Variants in DSG3 observed in about 807,000 individuals in gnomAD.
DSG3 encodes the protein desmoglein 3, also known as desmoglein-3.
DSG3 carries 63 observed loss-of-function variants against 85.9 expected under a neutral mutation model. That is an observed-to-expected ratio of 0.73 (90% CI 0.60 to 0.90). The LOEUF is 0.90. Among genes scored for constraint, DSG3 ranks in the 40% least tolerant of loss-of-function variants. The pLI is 0.00. For missense variants in DSG3, 1,220 were observed against 1,219.9 expected, an observed-to-expected ratio of 1.00 and a Z score of 0.00; for synonymous variants, 447 against 441.9, an observed-to-expected ratio of 1.01 and a Z score of -0.14.
At chr18:31,447,979 A>T (rs1483970448) in intron 1 of DSG3, 54 bp downstream of exon 1, 2 of 1,369,058 alleles carry the variant, frequency 1.5e-6, no homozygotes, top group Non-Finnish European at 2.0e-6. Context: ...CTCCCTTGTT[A>T]AAGAATATTA....
Position 31,476,197 on chromosome 18 carries a change from A to G in DSG3, c.2937A>G (p.Pro979=). ...ISSVPGNLAG[P]TQLRGSHTML... ...GTGTTCCTGGCAACCTAGCTGGCCC[A>G]ACGCAGCTACGAGGGTCACATACTA... The change falls in exon 16 of 16, where the codon CCA becomes CCG. Residue 979 remains proline, a synonymous_variant. Coordinates refer to ENST00000257189, the MANE Select transcript of DSG3 (RefSeq NM_001944.3). 1 of 1,614,202 alleles carries G rather than the reference A, an allele frequency of 6.2e-7. No individual in the cohort carries two copies. Among genetic ancestry groups the G allele is most frequent in the South Asian group, 1.1e-5 (1 of 91,082 alleles).
At chr18:31,453,532 T>C (rs1387141938) in intron 1 of DSG3, among the ~76,000 whole-genome samples, 1 of 152,240 alleles carries the variant, frequency 6.6e-6, no homozygotes, top group Non-Finnish European at 1.5e-5. Flanking sequence ...TACAACCATA[T>C]ACATTTTTAT....
intron 9 of DSG3, among the ~76,000 whole-genome samples, chr18:31,465,025 G>C (rs188805166): frequency 6.6e-6 from 1 of 151,618 alleles, no homozygotes; most frequent in Non-Finnish European, 1.5e-5. Context: ...CCAGCTACTC[G>C]GGAGGCTGAG....
In DSG3 at chr18:31,469,071, A is replaced by G. The variant is rs758384153; in HGVS notation, c.1637-18A>G. On this transcript the variant is annotated intron_variant, in intron 11 of 15. Transcript: ENST00000257189. ...ACACTTCGTCCTACTGTTGATTTGC[A>G]TGATTCTTTCTCTACAGCTACCTCG... 2.4e-5 allele frequency: 39 copies of G among 1,610,092 alleles called. No individual in the cohort carries two copies. Among genetic ancestry groups the G allele is most frequent in the South Asian group, 1.8e-4 (16 of 91,030 alleles).
rs746012596 is a variant in DSG3 at position 31,457,177 on chromosome 18, TAAATTAAAATAATACGGCAATTCC to T, written c.216+58_216+81del. The T allele has an allele frequency of 1.0e-4, 153 of 1,532,444 alleles. 1 individual carries two copies. The highest frequency in any genetic ancestry group is 1.3e-4 in the Non-Finnish European group (145 of 1,139,494). 94.9% of individuals were successfully genotyped at this position (1,532,444 alleles called of 1,614,324 possible). A position where few individuals can be genotyped will look rare whatever the true frequency, so the allele number is the denominator to read the frequency against. On this transcript the variant is annotated intron_variant, in intron 3 of 15. Coordinates refer to ENST00000257189, the MANE Select transcript of DSG3 (RefSeq NM_001944.3). ...GTTTTTAGAATAAATGTATAAGGTG[TAAATTAAAATAATACGGCAATTCC>T]AAATAACAAAATGAAGACTGGGGAG...
In DSG3 at chr18:31,469,229, G is replaced by A. The variant is rs1317058758; in HGVS notation, c.1777G>A (p.Gly593Ser). 3 of 1,614,180 alleles carry A rather than the reference G, an allele frequency of 1.9e-6. No homozygotes were observed. Among genetic ancestry groups the A allele is most frequent in the Admixed American group, 3.3e-5 (2 of 60,032 alleles). The change falls in exon 12 of 16, where the codon GGC becomes AGC. Residue 593 changes from glycine (G) to serine (S), a missense_variant. Gly to Ser is a moderately conservative substitution (Grantham distance 56). Coordinates refer to ENST00000257189, the MANE Select transcript of DSG3 (RefSeq NM_001944.3). The part of the protein sequence containing the change: ...TLEVCQCDNR[G>S]ICGTSYPTTS... ...GGAAGTCTGTCAGTGTGACAACAGG[G>A]GCATCTGTGGAACTTCTTACCCAAC... is the stretch of plus-strand genomic sequence containing the variant.
Position 31,476,936 on chromosome 18 carries a change from G to C in DSG3, c.*676G>C, listed in dbSNP as rs866336085. The C allele has an allele frequency of 6.7e-6, 1 of 150,234 alleles. No homozygotes were observed. The highest frequency in any genetic ancestry group is 6.6e-5 in the Admixed American group (1 of 15,114). 9.3% of individuals were successfully genotyped at this position (150,234 alleles called of 1,614,324 possible). On this transcript the variant is annotated 3_prime_UTR_variant, in exon 16 of 16. Transcript: ENST00000257189. ...ATTGCGCCACTGCAGTCCGCAGTCC[G>C]GCCTGGGCGACAGAGCGAGACTCCG...
chr18:31,474,175 T>C lies in DSG3; in HGVS notation c.2156T>C (p.Met719Thr), dbSNP rs2072872035. 3 of 1,614,076 alleles carry C rather than the reference T, an allele frequency of 1.9e-6. No individual in the cohort carries two copies. Among genetic ancestry groups the C allele is most frequent in the Non-Finnish European group, 8.5e-7 (1 of 1,180,024 alleles). Residue 719 changes from methionine to threonine, a missense_variant, in exon 15 of 16, where the codon ATG (methionine) becomes ACG (threonine). Physicochemically the swap from Met to Thr is moderately conservative, Grantham distance 81. Coordinates refer to ENST00000257189, the MANE Select transcript of DSG3 (RefSeq NM_001944.3). The part of the protein sequence containing the change: ...RGTAVEGTSG[M>T]EMTTKLGAAT... Reference sequence around the variant, plus strand: ...ACAGCGGTGGAAGGCACTTCAGGAATGGAAATGACCACTAAGCTTGGAGCA... The same window carrying C: ...ACAGCGGTGGAAGGCACTTCAGGAACGGAAATGACCACTAAGCTTGGAGCA...
At chr18:31,466,484 A>AC in intron 10 of DSG3, 46 bp from the exon 11 acceptor site, 1 of 1,552,916 alleles carries the variant, frequency 6.4e-7, no homozygotes, top group Non-Finnish European at 8.9e-7. Flanking sequence ...TTTTTGTACA[A>AC]CTTTGTTCTA....
Position 31,464,273 on chromosome 18 carries a change from A to G in DSG3, c.1162A>G (p.Lys388Glu), listed in dbSNP as rs767495340. The change falls in exon 9 of 16, where the codon AAG becomes GAG. Residue 388 changes from lysine (K) to glutamate (E), a missense_variant. Transcript: ENST00000257189. ...REGIAFRPAS[K>E]TFTVQKGISS... ...AGGAATTGCATTCCGTCCTGCTTCC[A>G]AGACATTTACTGTGCAAAAAGGCAT... The G allele has an allele frequency of 6.2e-6, 10 of 1,614,204 alleles. No homozygotes were observed. The Admixed American group carries it at 1.7e-4, about 27-fold the overall frequency.
chr18:31,464,521 A>C, intron 9 of DSG3, 139 bp downstream of exon 9: 1 of 892,504 alleles, frequency 1.1e-6, no homozygotes, highest in Non-Finnish European at 1.6e-6. Context: ...TAACTCAAAA[A>C]GTAACATTTA....
intron 9 of DSG3, 64 bp downstream of exon 9, chr18:31,464,446 A>G: frequency 5.4e-6 from 8 of 1,477,590 alleles, no homozygotes; most frequent in South Asian, 1.3e-5. Context: ...CTATCACAAC[A>G]TAACACATAA....
rs2072686982 is a variant in DSG3, at chr18:31,447,756, T to C, written c.-122T>C. ...GAGGGACCGCATAACAGACCATCTG[T>C]AGACTCCTTCGGAAAGCAGCAGAGA... is the stretch of plus-strand genomic sequence containing the variant. On this transcript the variant is annotated 5_prime_UTR_variant, in exon 1 of 16. Coordinates refer to ENST00000257189, the MANE Select transcript of DSG3 (RefSeq NM_001944.3). The C allele has an allele frequency of 2.8e-6, 2 of 721,266 alleles. No homozygotes were observed. Among genetic ancestry groups the C allele is most frequent in the Non-Finnish European group, 4.4e-6 (2 of 456,450 alleles). 44.7% of individuals were successfully genotyped at this position (721,266 alleles called of 1,614,324 possible).
At chr18:31,470,040 A>G (rs1598785552) in intron 12 of DSG3, among the ~76,000 whole-genome samples, 1 of 152,188 alleles carries the variant, frequency 6.6e-6, no homozygotes, top group Middle Eastern at 3.4e-3. Flanking sequence ...ATCCTTTTCC[A>G]ATAAAGGTAA....
rs2072900027 is a variant in DSG3, at chr18:31,478,043, ACTACCAGG to A, written c.*1784_*1791del. Reference sequence around the variant, plus strand: ...GCTCCTCCCTCTCCCTGGTACCCTGACTACCAGGAAGTCAGGTGCTAGAGCAGCTGGAG... The same window carrying A: ...GCTCCTCCCTCTCCCTGGTACCCTGAAAGTCAGGTGCTAGAGCAGCTGGAG... On this transcript the variant is annotated 3_prime_UTR_variant, in exon 16 of 16. Coordinates refer to ENST00000257189, the MANE Select transcript of DSG3 (RefSeq NM_001944.3). 6.6e-6 allele frequency: 1 copy of A among 152,234 alleles called. No homozygotes were observed. The highest frequency in any genetic ancestry group is 1.5e-5 in the Non-Finnish European group (1 of 68,056). 9.4% of individuals were successfully genotyped at this position (152,234 alleles called of 1,614,324 possible).
intron 9 of DSG3, among the ~76,000 whole-genome samples, chr18:31,464,819 G>C (rs1420657347): frequency 2.0e-5 from 3 of 152,086 alleles, no homozygotes; most frequent in Non-Finnish European, 4.4e-5. Flanking sequence ...TTATTTTATT[G>C]TGCATAGCAG....
chr18:31,456,310 A>G (rs2072741568), intron 1 of DSG3, 130 bp from the exon 2 acceptor site: 1 of 618,264 alleles, frequency 1.6e-6, no homozygotes, highest in African/African-American at 1.9e-5. Flanking sequence ...GCTTCTTGAA[A>G]CTTACTTCTT....
At chr18:31,474,090 G>A (rs1305171835) in intron 14 of DSG3, 31 bp from the exon 15 acceptor site, 1 of 1,594,216 alleles carries the variant, frequency 6.3e-7, no homozygotes. Context: ...AACAGCATAA[G>A]ATATTACAGA....
intron 1 of DSG3, among the ~76,000 whole-genome samples, chr18:31,456,165 G>A (rs548265179): frequency 6.6e-6 from 1 of 152,216 alleles, no homozygotes; most frequent in Admixed American, 6.5e-5. Flanking sequence ...CTGACTATTA[G>A]GCATAGTTTT....
Sources: gnomAD v4.1 joint callset for allele counts (sites outside exome capture counted in the v4.1 genomes callset) on GRCh38, gnomAD v4.1.1 for gene constraint, MANE v1.5 for transcripts, NCBI Gene and HGNC (gene_info 2026-07-23, HGNC 2026-07-21) for gene names.